Variants in NCOR2 observed in about 807,000 individuals in gnomAD.
NCOR2 encodes CTG repeat protein 26.
NCOR2 carries 81 observed loss-of-function variants against 262.9 expected under a neutral mutation model. The observed-to-expected ratio is 0.31, with a 90% CI of 0.26 to 0.37. The LOEUF is 0.37. Ranked by LOEUF, NCOR2 falls within the 10% of genes least tolerant of loss-of-function variation. The pLI is 1.00. For missense variants in NCOR2, 3,385 were observed against 3,621.4 expected (o/e 0.93, Z 1.68); for synonymous variants, 1,659 against 1,559.3 (o/e 1.06, Z -1.51).
rs778610226 is a variant in NCOR2 at position 124,330,925 on chromosome 12, G to A, written c.6905-27C>T. 36 of 1,568,628 alleles carry A rather than the reference G, an allele frequency of 2.3e-5. No individual in the cohort carries two copies. The South Asian group carries it at 3.6e-4, about 16-fold the overall frequency. ...TGGAAGCGGGTGACAGAGTGGGTGAGGCCCCCAGGTCTCTGGGAATTACCT... is the reference window on the plus strand; with the variant it reads ...TGGAAGCGGGTGACAGAGTGGGTGAAGCCCCCAGGTCTCTGGGAATTACCT... On this transcript the variant is annotated intron_variant, in intron 43 of 46. Coordinates refer to ENST00000405201, the Ensembl canonical transcript of NCOR2.
intron 1 of NCOR2, among the ~76,000 whole-genome samples, chr12:124,552,867 G>T (rs905609922): frequency 2.0e-5 from 3 of 151,504 alleles, no homozygotes; most frequent in Non-Finnish European, 4.4e-5. Context: ...GTTTTTTATA[G>T]AGACAGGGGG....
intron 1 of NCOR2, among the ~76,000 whole-genome samples, chr12:124,508,643 T>C (rs2049190006): frequency 6.6e-6 from 1 of 152,204 alleles, no homozygotes; most frequent in South Asian, 2.1e-4. Context: ...CAGACCCTGC[T>C]GGAACAGGGT....
At chr12:124,355,616 C>T (rs745979783) in intron 23 of NCOR2, 45 bp from the exon 26 acceptor site, 18 of 1,503,932 alleles carry the variant, frequency 1.2e-5, no homozygotes, top group South Asian at 5.4e-5. Context: ...GGAGCGGTCA[C>T]GTCCCTGCCG....
Position 124,350,579 on chromosome 12 carries a change from C to A in NCOR2, c.3844+8G>T, listed in dbSNP as rs746664844. ...TGGTCCTGGGCCTCCTCTCCTCCTG[C>A]GACTCACCCTCATAGGACAAGACGT... On this transcript the variant is annotated splice_region_variant and intron_variant, in intron 28 of 46. Coordinates refer to ENST00000405201, the Ensembl canonical transcript of NCOR2. 2 of 1,610,192 alleles carry A rather than the reference C, an allele frequency of 1.2e-6. No individual in the cohort carries two copies. Among genetic ancestry groups the A allele is most frequent in the South Asian group, 2.2e-5 (2 of 90,684 alleles).
At chr12:124,347,963 G>C (rs1467129589) in intron 29 of NCOR2, 52 bp from the exon 32 acceptor site, 17 of 1,529,600 alleles carry the variant, frequency 1.1e-5, no homozygotes, top group Non-Finnish European at 1.5e-5. Context: ...AGCCGACACT[G>C]GGCAGTGACA....
At chr12:124,349,480 C>T (rs752227028) in intron 28 of NCOR2, among the ~76,000 whole-genome samples, 7 of 152,252 alleles carry the variant, frequency 4.6e-5, no homozygotes, top group African/African-American at 7.2e-5. Context: ...GTTTAAACAT[C>T]GGGAGATTTC....
At chr12:124,398,150 C>A in exon 16 of NCOR2, 1 of 1,614,252 alleles carries the variant, frequency 6.2e-7, no homozygotes, top group Non-Finnish European at 8.5e-7. Context: ...CTTCTTCTGT[C>A]CAGCGAGAAC....
intron 1 of NCOR2, among the ~76,000 whole-genome samples, chr12:124,488,609 A>T (rs770310605): frequency 2.6e-5 from 4 of 152,214 alleles, no homozygotes; most frequent in Non-Finnish European, 4.4e-5. Flanking sequence ...TGGGAGGAGA[A>T]GGGAGAAGAC....
At chr12:124,332,255 GC>G in intron 43 of NCOR2, 63 bp downstream of exon 45, 1 of 1,593,582 alleles carries the variant, frequency 6.3e-7, no homozygotes. Flanking sequence ...GGCTCCAGCT[GC>G]CCAGGCAGGC....
At chr12:124,544,427 C>T (rs898136894) in intron 1 of NCOR2, among the ~76,000 whole-genome samples, 1 of 152,222 alleles carries the variant, frequency 6.6e-6, no homozygotes, top group Admixed American at 6.5e-5. Flanking sequence ...AGGGTCTGGC[C>T]TTTAGAAGCT....
chr12:124,444,456 G>T (rs949329008), intron 7 of NCOR2, among the ~76,000 whole-genome samples: 12 of 152,172 alleles, frequency 7.9e-5, no homozygotes, highest in African/African-American at 2.9e-4. Context: ...ACCCTAGCTG[G>T]GACTGGTCCT....
chr12:124,470,858 C>T (rs527788949), intron 4 of NCOR2, among the ~76,000 whole-genome samples: 5 of 152,356 alleles, frequency 3.3e-5, no homozygotes, highest in Admixed American at 2.0e-4. Flanking sequence ...AAAAAACAAA[C>T]AAACAAAAAC....
exon 1 of NCOR2, chr12:124,567,399 G>A (rs1307206479): frequency 6.6e-6 from 1 of 151,032 alleles, no homozygotes; most frequent in South Asian, 2.1e-4. Context: ...CGGGCTGGGG[G>A]CGCGCAGCAG....
At chr12:124,449,724 G>C in intron 7 of NCOR2, 91 bp downstream of exon 9, 1 of 1,469,424 alleles carries the variant, frequency 6.8e-7, no homozygotes, top group Non-Finnish European at 9.4e-7. Flanking sequence ...TGGGAACAGA[G>C]AGCCCACGTC....
intron 5 of NCOR2, 94 bp downstream of exon 7, chr12:124,466,079 T>A: frequency 8.1e-7 from 1 of 1,233,530 alleles, no homozygotes; most frequent in Non-Finnish European, 1.1e-6. Flanking sequence ...CCTCCCCACA[T>A]AGATGGAAAC....
At chr12:124,528,668 A>G in intron 1 of NCOR2, among the ~76,000 whole-genome samples, 1 of 152,154 alleles carries the variant, frequency 6.6e-6, no homozygotes, top group East Asian at 1.9e-4. Context: ...AGCAGAGGAA[A>G]CCCTAGGAAA....
At chr12:124,461,369 C>A (rs908517409) in intron 5 of NCOR2, among the ~76,000 whole-genome samples, 1 of 152,226 alleles carries the variant, frequency 6.6e-6, no homozygotes, top group Non-Finnish European at 1.5e-5. Context: ...TGGCGTCCAC[C>A]CCCTGTAGGG....
chr12:124,435,934 G>A (rs562948508), intron 8 of NCOR2, among the ~76,000 whole-genome samples: 4 of 152,274 alleles, frequency 2.6e-5, no homozygotes, highest in South Asian at 4.1e-4. Flanking sequence ...CTGACCAAGC[G>A]CCCACCTCGC....
At chr12:124,346,334 TGAA>T (rs1446200493) in intron 31 of NCOR2, among the ~76,000 whole-genome samples, 3 of 151,876 alleles carry the variant, frequency 2.0e-5, no homozygotes, top group Admixed American at 6.5e-5. Flanking sequence ...TTTCCCTCCC[TGAA>T]GAATGGGAAC....
Sources: gnomAD v4.1 joint callset for allele counts (sites outside exome capture counted in the v4.1 genomes callset) on GRCh38, gnomAD v4.1.1 for gene constraint, MANE v1.5 for transcripts, NCBI Gene and HGNC (gene_info 2026-07-23, HGNC 2026-07-21) for gene names.